Variants in FLNB observed in about 807,000 individuals in gnomAD.
The protein encoded by FLNB is filamin B.
FLNB carries 111 observed loss-of-function variants against 250.6 expected under a neutral mutation model. The ratio of observed to expected loss-of-function variants is 0.44; its 90% CI spans 0.38 to 0.52. FLNB has a LOEUF of 0.52. Ranked by LOEUF, FLNB falls within the 20% of genes least tolerant of loss-of-function variation. The probability of loss-of-function intolerance (pLI) is 0.00; values close to 1 mark genes in which losing one functional copy is unlikely to be tolerated. For synonymous variants in FLNB, 1,302 were observed against 1,372.1 expected, an observed-to-expected ratio of 0.95 and a Z score of 1.13; for missense variants, 2,869 against 3,447.8, an observed-to-expected ratio of 0.83 and a Z score of 4.20.
intron 1 of FLNB, among the ~76,000 whole-genome samples, chr3:58,051,113 A>G (rs557648677): frequency 1.3e-5 from 2 of 152,202 alleles, no homozygotes; most frequent in Non-Finnish European, 2.9e-5. Flanking sequence ...TAAAATGGAT[A>G]TGCCATGGAG....
At chr3:58,081,816 C>G (rs770162436) in intron 4 of FLNB, 40 bp downstream of exon 4, 1 of 1,608,684 alleles carries the variant, frequency 6.2e-7, no homozygotes, top group Non-Finnish European at 8.5e-7. Flanking sequence ...GAGACATGTC[C>G]TCTGGTGTTG....
At chr3:58,126,567 G>T (rs1559713396) in intron 23 of FLNB, 35 bp from the exon 24 acceptor site, 1 of 1,609,430 alleles carries the variant, frequency 6.2e-7, no homozygotes, top group Non-Finnish European at 8.5e-7. Context: ...ATAAATAAAT[G>T]GTGCACATTT....
chr3:58,172,072 T>C lies in FLNB; in HGVS notation c.*1310T>C, dbSNP rs761905985. 6.6e-6 allele frequency: 1 copy of C among 150,810 alleles called. No homozygotes were observed. The highest frequency in any genetic ancestry group is 1.5e-5 in the Non-Finnish European group (1 of 67,074). The allele number at this position is 150,810 out of a possible 1,614,324, so 9.3% of individuals were successfully genotyped here. Reference sequence around the variant, plus strand: ...AGGAAGTGGCCACTCTTGTGGCAGGTGTAGTATCTGGGGCGAGTGTTGGGG... The same window carrying C: ...AGGAAGTGGCCACTCTTGTGGCAGGCGTAGTATCTGGGGCGAGTGTTGGGG... On this transcript the variant is annotated 3_prime_UTR_variant, in exon 46 of 46. Transcript: ENST00000295956.
At chr3:58,117,372 TC>T (rs1185849192) in intron 18 of FLNB, among the ~76,000 whole-genome samples, 1 of 152,232 alleles carries the variant, frequency 6.6e-6, no homozygotes, top group Non-Finnish European at 1.5e-5. Flanking sequence ...GAGCATACTT[TC>T]TTTTATGGGA....
At position 58,149,543 on chromosome 3, in the gene FLNB, C is replaced by T. The variant is rs987805941; in HGVS notation, c.6092-307C>T. On this transcript the variant is annotated intron_variant, in intron 36 of 45. Coordinates refer to ENST00000295956, the MANE Select transcript of FLNB (RefSeq NM_001457.4). ...AGGTGGTACGTGCAGTACTTGGAGG[C>T]GTGAGGGCAGAAGGTCCTCCCCAGC... is the stretch of plus-strand genomic sequence containing the variant. 60 of 444,204 alleles carry T rather than the reference C, an allele frequency of 1.4e-4. No individual in the cohort carries two copies. In the Admixed American group the frequency reaches 1.9e-3, roughly 14 times the overall value. The allele number at this position is 444,204 out of a possible 1,614,324, so 27.5% of individuals were successfully genotyped here.
chr3:58,076,684 C>G (rs1424922460), intron 1 of FLNB, among the ~76,000 whole-genome samples: 1 of 151,134 alleles, frequency 6.6e-6, no homozygotes, highest in African/African-American at 2.4e-5. Flanking sequence ...GTCTTGAACT[C>G]CTAAGCTCAA....
At chr3:58,056,625 G>C (rs139406346) in intron 1 of FLNB, among the ~76,000 whole-genome samples, 4 of 152,130 alleles carry the variant, frequency 2.6e-5, no homozygotes, top group African/African-American at 9.6e-5. Flanking sequence ...TTTTTGAGAC[G>C]GAGTCTCGCT....
At position 58,153,638 on chromosome 3, in the gene FLNB, C is replaced by A; in HGVS notation, c.6631C>A (p.Pro2211Thr). 6.2e-7 allele frequency: 1 copy of A among 1,614,028 alleles called. No homozygotes were observed. Among genetic ancestry groups the A allele is most frequent in the Non-Finnish European group, 8.5e-7 (1 of 1,179,994 alleles). The change falls in exon 39 of 46, where the codon CCA becomes ACA. Residue 2211 changes from proline (P) to threonine (T), a missense_variant. Pro to Thr is a conservative substitution (Grantham distance 38). Coordinates refer to ENST00000295956, the MANE Select transcript of FLNB (RefSeq NM_001457.4). Reference sequence around the variant, plus strand: ...CCTGGAGAGAGGAGAAGCGGGAGTCCCAGGTGAGCATTGCGGGCAGGATTT... The same window carrying A: ...CCTGGAGAGAGGAGAAGCGGGAGTCACAGGTGAGCATTGCGGGCAGGATTT... Reference protein sequence around the residue: ...PGLERGEAGVPAEFSIWTREA... With the variant: ...PGLERGEAGVTAEFSIWTREA...
chr3:58,168,154 C>T (rs1185974700), intron 43 of FLNB, among the ~76,000 whole-genome samples: 1 of 152,234 alleles, frequency 6.6e-6, no homozygotes, highest in Non-Finnish European at 1.5e-5. Context: ...TGCCCTCAGC[C>T]ACAATGGCTC....
chr3:58,117,632 G>GA (rs1295035987), intron 18 of FLNB, among the ~76,000 whole-genome samples: 1 of 152,146 alleles, frequency 6.6e-6, no homozygotes, highest in Non-Finnish European at 1.5e-5. Context: ...ACAAAAAGGA[G>GA]ACCTTTCCTG....
intron 4 of FLNB, among the ~76,000 whole-genome samples, chr3:58,090,141 T>G (rs1173674632): frequency 7.9e-6 from 1 of 126,844 alleles, no homozygotes. Flanking sequence ...TTTTTGTACT[T>G]TTAAAACTTT....
At chr3:58,111,029 G>A (rs1027483740) in intron 16 of FLNB, among the ~76,000 whole-genome samples, 5 of 152,202 alleles carry the variant, frequency 3.3e-5, no homozygotes, top group Admixed American at 3.3e-4. Flanking sequence ...GTGGTTAAAA[G>A]CAGGGGTCTG....
intron 1 of FLNB, 95 bp from the exon 2 acceptor site, chr3:58,076,951 C>G (rs949359441): frequency 1.1e-4 from 153 of 1,392,782 alleles, no homozygotes; most frequent in Admixed American, 5.9e-4. Flanking sequence ...GTATGGTTCT[C>G]TAATAGTTGA....
rs879383523 is a variant in FLNB, at chr3:58,008,539, C to T, written c.-26C>T. 8.9e-6 allele frequency: 14 copies of T among 1,566,072 alleles called. No homozygotes were observed. The highest frequency in any genetic ancestry group is 1.1e-5 in the Non-Finnish European group (13 of 1,156,390). ...AACACCAGTCCCCGGCAGCTCGTTG[C>T]GCATTGCGCTCTCCCCGCCACCAGG... On this transcript the variant is annotated 5_prime_UTR_variant, in exon 1 of 46. Transcript: ENST00000295956.
chr3:58,026,852 A>T (rs958328121), intron 1 of FLNB, among the ~76,000 whole-genome samples: 1 of 152,142 alleles, frequency 6.6e-6, no homozygotes, highest in African/African-American at 2.4e-5. Context: ...CCAAAGGTAG[A>T]ATTTGTGTGG....
At chr3:58,152,691 CCCTTT>C (rs1371144160) in intron 38 of FLNB, 1 of 1,263,602 alleles carries the variant, frequency 7.9e-7, no homozygotes, top group Non-Finnish European at 1.0e-6. Context: ...AACCTCCCTT[CCCTTT>C]TCTGTCCTCA....
intron 43 of FLNB, 27 bp from the exon 44 acceptor site, chr3:58,168,413 A>C (rs2097374681): frequency 1.3e-6 from 2 of 1,579,800 alleles, no homozygotes; most frequent in South Asian, 2.2e-5. Flanking sequence ...AGTCATCAAC[A>C]CAGCATTTTC....
chr3:58,157,053 G>A (rs1055121926), intron 41 of FLNB, among the ~76,000 whole-genome samples: 1 of 152,064 alleles, frequency 6.6e-6, no homozygotes, highest in East Asian at 1.9e-4. Flanking sequence ...TGTGGCACAC[G>A]GTTGCATAGT....
At chr3:58,148,933 A>G (rs2097340388) in intron 36 of FLNB, 81 bp downstream of exon 36, 9 of 1,235,142 alleles carry the variant, frequency 7.3e-6, no homozygotes, top group African/African-American at 2.9e-5. Flanking sequence ...TTTTCATCCT[A>G]CCAACTCCTT....
Sources: allele counts gnomAD v4.1 joint callset (sites outside exome capture counted in the v4.1 genomes callset), GRCh38; gene constraint gnomAD v4.1.1; transcripts MANE v1.5; gene names NCBI Gene and HGNC (gene_info 2026-07-23, HGNC 2026-07-21).